The following CAST variants were observed in gnomAD, a reference collection of about 807,000 sequenced individuals.
CAST encodes the protein MIR583 host.
A neutral mutation model predicts 119.6 loss-of-function variants in CAST; 76 were observed. The observed-to-expected ratio is 0.64, with a 90% CI of 0.53 to 0.77. The LOEUF is 0.77. CAST is among the 30% of genes least tolerant of loss of function. The pLI, the probability that CAST is intolerant of heterozygous loss-of-function variation, is 0.00. For synonymous variants in CAST, 319 were observed against 331.6 expected, an observed-to-expected ratio of 0.96 and a Z score of 0.41; for missense variants, 953 against 946.5, an observed-to-expected ratio of 1.01 and a Z score of -0.09.
chr5:96,054,543 T>C, the CAST span, among the ~76,000 whole-genome samples: 1 of 152,154 alleles, frequency 6.6e-6, no homozygotes, highest in East Asian at 1.9e-4. Context: ...AAGCCACATT[T>C]GGTAGGTTTT....
chr5:96,164,400 A>G, the CAST span, among the ~76,000 whole-genome samples: 3 of 152,226 alleles, frequency 2.0e-5, no homozygotes, highest in South Asian at 4.1e-4. Flanking sequence ...AAGAGAAGCT[A>G]TATTCTGGGT....
At chr5:96,071,039 G>C in the CAST span, among the ~76,000 whole-genome samples, 1 of 152,110 alleles carries the variant, frequency 6.6e-6, no homozygotes, top group Non-Finnish European at 1.5e-5. Flanking sequence ...AAAGGGCACT[G>C]GATTCCCCAG....
intron 3 of CAST, among the ~76,000 whole-genome samples, chr5:96,706,306 T>C (rs193083474): frequency 6.6e-6 from 1 of 152,362 alleles, no homozygotes; most frequent in Non-Finnish European, 1.5e-5. Flanking sequence ...GAACCCTTTT[T>C]TCTTTCTTTA....
the CAST span, among the ~76,000 whole-genome samples, chr5:96,452,743 G>T: frequency 6.9e-6 from 1 of 144,562 alleles, no homozygotes; most frequent in African/African-American, 2.6e-5. Context: ...GAGGTCAGGA[G>T]ATCGAGACCA....
chr5:96,408,373 GT>G, the CAST span: 2 of 1,344,404 alleles, frequency 1.5e-6, no homozygotes, highest in Admixed American at 1.7e-5. Context: ...CGTGAGGAGT[GT>G]GGGCCTGTCT....
At chr5:96,328,719 A>G in the CAST span, among the ~76,000 whole-genome samples, 1 of 152,034 alleles carries the variant, frequency 6.6e-6, no homozygotes, top group African/African-American at 2.4e-5. Flanking sequence ...AAGCTCTTCT[A>G]TGCTCTAACT....
At chr5:96,713,988 A>C (rs576165791) in intron 3 of CAST, among the ~76,000 whole-genome samples, 2 of 152,202 alleles carry the variant, frequency 1.3e-5, no homozygotes, top group South Asian at 4.2e-4. Flanking sequence ...AACAAAAAAA[A>C]CACAGTGGTC....
upstream of CAST, among the ~76,000 whole-genome samples, chr5:96,527,506 A>G (rs533300560): frequency 6.6e-6 from 1 of 152,210 alleles, no homozygotes; most frequent in African/African-American, 2.4e-5. Context: ...CCCTTTGCTC[A>G]TGGAGAAGTT....
the CAST span, among the ~76,000 whole-genome samples, chr5:96,417,112 G>A: frequency 1.3e-5 from 2 of 152,146 alleles, no homozygotes; most frequent in Non-Finnish European, 2.9e-5. Context: ...AATAATGTTG[G>A]CCAGTTACAT....
the CAST span, among the ~76,000 whole-genome samples, chr5:96,376,360 A>C: frequency 6.6e-6 from 1 of 151,126 alleles, no homozygotes; most frequent in African/African-American, 2.5e-5. Flanking sequence ...ACAGTACATA[A>C]TGTTAGCTAA....
At chr5:96,117,553 G>A in the CAST span, among the ~76,000 whole-genome samples, 6 of 152,144 alleles carry the variant, frequency 3.9e-5, no homozygotes, top group Admixed American at 6.5e-5. Context: ...CAGAAAGAAC[G>A]TGTGGGAAAT....
At chr5:96,020,658 C>T in the CAST span, among the ~76,000 whole-genome samples, 3 of 152,126 alleles carry the variant, frequency 2.0e-5, no homozygotes, top group Admixed American at 2.0e-4. Context: ...CTCCCATTAC[C>T]CCAGATCAGA....
chr5:96,557,174 C>G (rs1435933134), intron 1 of CAST, among the ~76,000 whole-genome samples: 2 of 151,958 alleles, frequency 1.3e-5, no homozygotes, highest in African/African-American at 4.8e-5. Context: ...GATTTTGTCA[C>G]CACCAGGCCT....
chr5:96,698,174 T>C (rs1457604723), intron 3 of CAST, among the ~76,000 whole-genome samples: 2 of 152,178 alleles, frequency 1.3e-5, no homozygotes, highest in Non-Finnish European at 2.9e-5. Flanking sequence ...AACGTAATCA[T>C]AAGAATCAGA....
chr5:96,407,064 T>C, the CAST span, among the ~76,000 whole-genome samples: 2 of 152,324 alleles, frequency 1.3e-5, no homozygotes, highest in African/African-American at 4.8e-5. Flanking sequence ...AATTTAAATA[T>C]GGTAAAGAAA....
At chr5:96,103,491 A>G in the CAST span, among the ~76,000 whole-genome samples, 1 of 150,462 alleles carries the variant, frequency 6.6e-6, no homozygotes, top group Admixed American at 6.6e-5. Context: ...GAGAATGATG[A>G]TTTCCAATTT....
At chr5:96,644,259 C>T (rs1019727064) in intron 1 of CAST, among the ~76,000 whole-genome samples, 1 of 152,112 alleles carries the variant, frequency 6.6e-6, no homozygotes, top group Non-Finnish European at 1.5e-5. Context: ...GTTTCTTGTA[C>T]AGTGAAAGTC....
intron 1 of CAST, among the ~76,000 whole-genome samples, chr5:96,614,237 A>G (rs1040994818): frequency 2.0e-5 from 3 of 152,234 alleles, no homozygotes; most frequent in Middle Eastern, 3.4e-3. Context: ...AAATGATTCC[A>G]TTTCCCTCTG....
At chr5:96,257,281 G>T in the CAST span, among the ~76,000 whole-genome samples, 3 of 152,250 alleles carry the variant, frequency 2.0e-5, no homozygotes, top group East Asian at 1.9e-4. Flanking sequence ...TCTTAAACTT[G>T]CTCAACATTG....
Sources: gnomAD v4.1 joint callset for allele counts (sites outside exome capture counted in the v4.1 genomes callset) on GRCh38, gnomAD v4.1.1 for gene constraint, MANE v1.5 for transcripts, NCBI Gene and HGNC (gene_info 2026-07-23, HGNC 2026-07-21) for gene names.